Variants in NRXN3 observed in about 807,000 individuals in gnomAD.
NRXN3 encodes the protein neurexin 3, also known as neurexin III.
NRXN3 carries 32 observed loss-of-function variants against 137.6 expected under a neutral mutation model. The ratio of observed to expected loss-of-function variants is 0.23; its 90% CI spans 0.18 to 0.31. NRXN3 has a LOEUF of 0.31. NRXN3 is among the 10% of genes least tolerant of loss of function. The probability of loss-of-function intolerance (pLI) is 1.00; values close to 1 mark genes in which losing one functional copy is unlikely to be tolerated. For missense variants in NRXN3, 1,574 were observed against 2,062.5 expected (o/e 0.76, Z 4.59); for synonymous variants, 798 against 784.5 (o/e 1.02, Z -0.29).
In NRXN3 at chr14:79,375,160, G is replaced by A. The variant is rs1460152794; in HGVS notation, c.3263-92061G>A. Among the ~76,000 whole-genome samples the A allele has an allele frequency of 2.0e-5, 3 of 152,026 alleles. No individual in the cohort carries two copies. The East Asian group carries it at 5.8e-4, about 29-fold the overall frequency. ...AGTCCCTCAGCGAGTCAGGAGAAGA[G>A]GGGTTAAAACCTGATTCCTCCAGTT... On this transcript the variant is annotated intron_variant, in intron 15 of 20. Coordinates refer to ENST00000335750, the MANE Select transcript of NRXN3 (RefSeq NM_001330195.2).
intron 19 of NRXN3, among the ~76,000 whole-genome samples, chr14:79,788,116 T>G (rs2099134693): frequency 6.6e-6 from 1 of 152,152 alleles, no homozygotes; most frequent in African/African-American, 2.4e-5. Flanking sequence ...AAGGCACATC[T>G]TACATGGTGG....
chr14:79,024,850 G>A (rs1000513205), intron 15 of NRXN3, among the ~76,000 whole-genome samples: 4 of 151,976 alleles, frequency 2.6e-5, no homozygotes, highest in South Asian at 2.1e-4. Context: ...AATAATAATA[G>A]CAAGTATTAA....
At chr14:78,335,893 C>T (rs933345051) in intron 4 of NRXN3, among the ~76,000 whole-genome samples, 5 of 152,146 alleles carry the variant, frequency 3.3e-5, no homozygotes, top group African/African-American at 7.2e-5. Flanking sequence ...GAGAGAGCAT[C>T]GCTAAGGTAA....
intron 16 of NRXN3, among the ~76,000 whole-genome samples, chr14:79,580,435 GTT>G (rs60451542): frequency 0.12 from 16,615 of 138,672 alleles, 1,526 homozygotes; most frequent in East Asian, 0.26. Context: ...AAAAGATTAT[GTT>G]TTTTTTTTTT....
intron 15 of NRXN3, chr14:79,279,921 G>A: frequency 9.4e-7 from 1 of 1,061,274 alleles, no homozygotes; most frequent in Non-Finnish European, 1.1e-6. Flanking sequence ...TGTGGCTCCC[G>A]GGAGTGTGCG....
intron 16 of NRXN3, among the ~76,000 whole-genome samples, chr14:79,471,446 C>T (rs888553018): frequency 6.6e-6 from 1 of 152,210 alleles, no homozygotes; most frequent in African/African-American, 2.4e-5. Context: ...TCCACACGTG[C>T]TCCAATTTTC....
In NRXN3 at chr14:79,011,814, C is replaced by T. The variant is rs559588509; in HGVS notation, c.3262+23673C>T. Among the ~76,000 whole-genome samples the T allele has an allele frequency of 4.6e-5, 7 of 152,240 alleles. No individual in the cohort carries two copies. The East Asian group carries it at 1.4e-3, about 29-fold the overall frequency. ...GCCCAACATGTCATTTTCTTAACAC[C>T]TTAACATCAGTGTGGACAAAAACAA... On this transcript the variant is annotated intron_variant, in intron 15 of 20. Coordinates refer to ENST00000335750, the MANE Select transcript of NRXN3 (RefSeq NM_001330195.2).
intron 15 of NRXN3, among the ~76,000 whole-genome samples, chr14:79,013,191 A>G (rs1240266186): frequency 6.6e-6 from 1 of 152,200 alleles, no homozygotes; most frequent in Non-Finnish European, 1.5e-5. Context: ...CTTAAAGCCC[A>G]TCACTGCTTG....
At chr14:78,369,310 T>G (rs755663577) in intron 4 of NRXN3, among the ~76,000 whole-genome samples, 4 of 152,162 alleles carry the variant, frequency 2.6e-5, no homozygotes, top group Non-Finnish European at 5.9e-5. Context: ...ATGCTATTAC[T>G]ATATATGTGA....
At chr14:78,556,883 C>T (rs1348157783) in intron 4 of NRXN3, among the ~76,000 whole-genome samples, 3 of 144,622 alleles carry the variant, frequency 2.1e-5, no homozygotes, top group South Asian at 2.4e-4. Context: ...CTCCTCTCCC[C>T]TCTTCTCCTC....
chr14:79,766,300 A>G (rs1603473019), intron 19 of NRXN3, among the ~76,000 whole-genome samples: 1 of 151,436 alleles, frequency 6.6e-6, no homozygotes, highest in Non-Finnish European at 1.5e-5. Context: ...AGTGGCTGCC[A>G]CTCTATCTAG....
chr14:79,430,056 G>A (rs2095721470), intron 15 of NRXN3, among the ~76,000 whole-genome samples: 1 of 151,678 alleles, frequency 6.6e-6, no homozygotes, highest in Non-Finnish European at 1.5e-5. Context: ...TCATTCAACT[G>A]GATTTAATAG....
chr14:78,936,833 A>G (rs73325304), intron 10 of NRXN3, among the ~76,000 whole-genome samples: 3,023 of 152,246 alleles, frequency 0.02, 99 homozygotes, highest in African/African-American at 0.069. Context: ...TTCCATTGCT[A>G]GTTCTAAGAA....
intron 10 of NRXN3, among the ~76,000 whole-genome samples, chr14:78,901,544 C>T (rs1277380017): frequency 6.6e-6 from 1 of 151,972 alleles, no homozygotes; most frequent in Non-Finnish European, 1.5e-5. Flanking sequence ...ATGATATGAT[C>T]TCTATCAAAG....
At chr14:79,172,141 A>C (rs147729864) in intron 15 of NRXN3, among the ~76,000 whole-genome samples, 1 of 151,892 alleles carries the variant, frequency 6.6e-6, no homozygotes, top group East Asian at 1.9e-4. Flanking sequence ...CAAACAATAC[A>C]TGAAGAACTA....
chr14:79,752,703 C>A lies in NRXN3; in HGVS notation c.4015-52409C>A, dbSNP rs561947153. ...ACACCAAAAGCAATGGCAACAAAAGCCAAAATTGACAAATGGGATCTAATT... is the reference window on the plus strand; with the variant it reads ...ACACCAAAAGCAATGGCAACAAAAGACAAAATTGACAAATGGGATCTAATT... On this transcript the variant is annotated intron_variant, in intron 19 of 20. Transcript: ENST00000335750. 2.6e-5 allele frequency among the ~76,000 whole-genome samples: 4 copies of A among 152,054 alleles called. No individual in the cohort carries two copies. In the South Asian group the frequency reaches 6.2e-4, roughly 24 times the overall value.
chr14:78,938,091 A>G (rs915568849), intron 10 of NRXN3, among the ~76,000 whole-genome samples: 5 of 152,274 alleles, frequency 3.3e-5, no homozygotes, highest in African/African-American at 1.2e-4. Context: ...AATTAAATAC[A>G]GAAAGGATGA....
At chr14:78,987,167 C>T (rs2099508655) in intron 14 of NRXN3, among the ~76,000 whole-genome samples, 5 of 151,976 alleles carry the variant, frequency 3.3e-5, no homozygotes, top group African/African-American at 7.2e-5. Context: ...GCAAAAGTTT[C>T]TAATTCAATG....
chr14:79,043,799 G>A (rs780314944), intron 15 of NRXN3, among the ~76,000 whole-genome samples: 3 of 152,154 alleles, frequency 2.0e-5, no homozygotes, highest in Non-Finnish European at 2.9e-5. Context: ...AACAGGGTAT[G>A]TTTGAGAGAG....
Sources: gnomAD v4.1 joint callset for allele counts (sites outside exome capture counted in the v4.1 genomes callset) on GRCh38, gnomAD v4.1.1 for gene constraint, MANE v1.5 for transcripts, NCBI Gene and HGNC (gene_info 2026-07-23, HGNC 2026-07-21) for gene names.